Variants in UTY observed in about 807,000 individuals in gnomAD.
UTY encodes histone demethylase UTY.
A neutral mutation model predicts 32.5 loss-of-function variants in UTY; 12 were observed. That is an observed-to-expected ratio of 0.37 (90% CI 0.24 to 0.60). UTY has a LOEUF of 0.60. Ranked by LOEUF, UTY falls within the 20% of genes least tolerant of loss-of-function variation. The probability of loss-of-function intolerance (pLI) is 0.69; values close to 1 mark genes in which losing one functional copy is unlikely to be tolerated. For missense variants in UTY, 303 were observed against 299.2 expected, an observed-to-expected ratio of 1.01 and a Z score of -0.09; for synonymous variants, 131 against 103.4, an observed-to-expected ratio of 1.27 and a Z score of -1.62.
At chrY:13,409,954 G>C (rs774565685) in intron 6 of UTY, among the ~76,000 whole-genome samples, 1 of 33,846 alleles carries the variant, frequency 3.0e-5, no homozygotes, top group African/African-American at 1.2e-4. Flanking sequence ...CTTGCAGCTG[G>C]TTCTCTCTCC....
At chrY:13,242,355 C>T (rs2053911552) in intron 28 of UTY, among the ~76,000 whole-genome samples, 3 of 33,173 alleles carry the variant, frequency 9.0e-5, no homozygotes, top group African/African-American at 3.5e-4. Flanking sequence ...ATACCATTAA[C>T]CTTGAAAAAT....
chrY:13,335,465 G>A, intron 18 of UTY, 98 bp downstream of exon 18: 2 of 279,209 alleles, frequency 7.2e-6, no homozygotes, highest in Non-Finnish European at 1.1e-5. Context: ...AATCTTTTGA[G>A]CATGTTACAT....
At chrY:13,320,114 A>T (rs1040718671) in intron 21 of UTY, among the ~76,000 whole-genome samples, 3 of 33,317 alleles carry the variant, frequency 9.0e-5, no homozygotes, top group Non-Finnish European at 2.2e-4. Context: ...TGGCGTAAGA[A>T]TTCTATAGGA....
intron 6 of UTY, among the ~76,000 whole-genome samples, chrY:13,408,595 T>C (rs758273521): frequency 3.1e-5 from 1 of 32,648 alleles, no homozygotes; most frequent in South Asian, 6.7e-4. Flanking sequence ...ACTGGAAACT[T>C]TGAAAAGGGA....
chrY:13,398,487 A>G, intron 6 of UTY, among the ~76,000 whole-genome samples: 1 of 33,455 alleles, frequency 3.0e-5, no homozygotes, highest in Non-Finnish European at 7.4e-5. Context: ...TAAGCAGGAA[A>G]AACCTTTAAG....
intron 26 of UTY, 47 bp downstream of exon 26, chrY:13,298,910 G>A (rs373890696): frequency 6.2e-6 from 2 of 323,596 alleles, no homozygotes; most frequent in Non-Finnish European, 9.0e-6. Context: ...TACCTACTAG[G>A]TAATCCTTTA....
chrY:13,442,954 A>C, intron 4 of UTY, among the ~76,000 whole-genome samples: 1 of 33,196 alleles, frequency 3.0e-5, no homozygotes, highest in Non-Finnish European at 7.4e-5. Context: ...AGTGACGCTA[A>C]GAGCAGATAC....
intron 21 of UTY, among the ~76,000 whole-genome samples, chrY:13,312,463 C>CA: frequency 3.5e-5 from 1 of 28,609 alleles, no homozygotes; most frequent in Non-Finnish European, 8.2e-5. Context: ...AAGTGGCAGC[C>CA]AAAAAATGGG....
In UTY at chrY:13,360,269, C is replaced by T. The variant is rs766712226; in HGVS notation, c.965+161G>A. Among the ~76,000 whole-genome samples the T allele has an allele frequency of 5.8e-4, 19 of 32,877 alleles. No homozygotes were observed. The East Asian group carries it at 0.015, about 26-fold the overall frequency. 88.2% of individuals were successfully genotyped at this position (32,877 alleles called of 37,273 possible). On this transcript the variant is annotated intron_variant, in intron 11 of 29. Coordinates refer to ENST00000545955, the MANE Select transcript of UTY (RefSeq NM_001258249.2). Reference sequence around the variant, plus strand: ...CTCAGGCTGGTCTTGAAACCCCAGACTCAAGAGATCAACCAGGCTCAGCTT... The same window carrying T: ...CTCAGGCTGGTCTTGAAACCCCAGATTCAAGAGATCAACCAGGCTCAGCTT...
At chrY:13,272,740 T>G (rs755445232) in intron 27 of UTY, among the ~76,000 whole-genome samples, 4 of 33,267 alleles carry the variant, frequency 1.2e-4, no homozygotes, top group African/African-American at 4.7e-4. Context: ...TTCCGAAAAT[T>G]AATTAATTAA....
chrY:13,386,579 T>C, intron 8 of UTY, among the ~76,000 whole-genome samples: 1 of 32,990 alleles, frequency 3.0e-5, no homozygotes, highest in Non-Finnish European at 7.4e-5. Context: ...TCTGTTTTTT[T>C]TGTACCAAAA....
intron 27 of UTY, chrY:13,297,361 A>G (rs760817897): frequency 1.7e-5 from 1 of 59,800 alleles, no homozygotes; most frequent in East Asian, 4.5e-4. Context: ...ATAAGCAACA[A>G]AAATTATTTT....
At chrY:13,468,632 A>T in intron 3 of UTY, among the ~76,000 whole-genome samples, 1 of 32,285 alleles carries the variant, frequency 3.1e-5, no homozygotes, top group Admixed American at 2.9e-4. Context: ...GTGAGCCGAG[A>T]TGGCGCCAGT....
chrY:13,435,746 G>A, intron 4 of UTY, among the ~76,000 whole-genome samples: 1 of 33,693 alleles, frequency 3.0e-5, no homozygotes, highest in South Asian at 6.6e-4. Flanking sequence ...GGGCCCCGGG[G>A]TCGGGGGAGA....
intron 21 of UTY, among the ~76,000 whole-genome samples, chrY:13,309,756 T>C (rs2058917538): frequency 3.1e-5 from 1 of 32,716 alleles, no homozygotes; most frequent in African/African-American, 1.2e-4. Flanking sequence ...CCTCACTCCA[T>C]CAAAGGCCTG....
chrY:13,357,929 T>C lies in UTY; in HGVS notation c.1517A>G (p.His506Arg), dbSNP rs1294261667. Residue 506 changes from histidine (H) to arginine (R), a missense_variant, in exon 15 of 30, where the codon CAT becomes CGT. Transcript: ENST00000545955. Reference sequence around the variant, plus strand: ...CGAATAAACTTGCTGTACTGGATGATGTGAAAGACTCTGGCCACCATTCCA... The same window carrying C: ...CGAATAAACTTGCTGTACTGGATGACGTGAAAGACTCTGGCCACCATTCCA... ...DNWNGGQSLSHHPVQQVYSLC... is the reference protein window; with the variant it reads ...DNWNGGQSLSRHPVQQVYSLC... The C allele has an allele frequency of 7.5e-6, 3 of 398,055 alleles. No homozygotes were observed. Among genetic ancestry groups the C allele is most frequent in the Admixed American group, 1.5e-4 (2 of 13,500 alleles).
intron 7 of UTY, 50 bp downstream of exon 7, chrY:13,396,868 G>A: frequency 4.2e-6 from 1 of 238,814 alleles, no homozygotes; most frequent in East Asian, 1.2e-4. Flanking sequence ...TAGAAAAAAA[G>A]GTATCATTAA....
intron 6 of UTY, among the ~76,000 whole-genome samples, chrY:13,403,864 C>T: frequency 3.1e-5 from 1 of 32,731 alleles, no homozygotes; most frequent in Non-Finnish European, 7.5e-5. Flanking sequence ...ATGATTATGC[C>T]TGTGAATAGC....
intron 27 of UTY, among the ~76,000 whole-genome samples, chrY:13,288,221 G>A (rs1603310537): frequency 3.5e-5 from 1 of 28,306 alleles, no homozygotes; most frequent in East Asian, 8.8e-4. Flanking sequence ...AGCTAAAAAC[G>A]AAAAGAATTC....
Sources: allele counts gnomAD v4.1 joint callset (sites outside exome capture counted in the v4.1 genomes callset), GRCh38; gene constraint gnomAD v4.1.1; transcripts MANE v1.5; gene names NCBI Gene and HGNC (gene_info 2026-07-23, HGNC 2026-07-21).